The following PTPN22 variants were observed in gnomAD, a reference collection of about 807,000 sequenced individuals.
PTPN22 encodes tyrosine-protein phosphatase non-receptor type 22.
PTPN22 carries 85 observed loss-of-function variants against 103.3 expected under a neutral mutation model. The ratio of observed to expected loss-of-function variants is 0.82; its 90% CI spans 0.69 to 0.99. The LOEUF (loss-of-function observed/expected upper bound fraction) is 0.99, where lower values mean the gene tolerates loss of function less well. Among genes scored for constraint, PTPN22 ranks in the 50% least tolerant of loss-of-function variants. The probability of loss-of-function intolerance (pLI) is 0.00; values close to 1 mark genes in which losing one functional copy is unlikely to be tolerated. For synonymous variants in PTPN22, 323 were observed against 310.2 expected (o/e 1.04, Z -0.43); for missense variants, 865 against 936.9 (o/e 0.92, Z 1.00).
rs565668366 is a variant in PTPN22 at position 113,820,948 on chromosome 1, G to T, written c.2282-1294C>A. On this transcript the variant is annotated intron_variant, in intron 19 of 20. Transcript: ENST00000359785. ...TCTAATTAAGATACATATTTATTTTGTACTTACTATATTACTATAGTAAGT... is the reference window on the plus strand; with the variant it reads ...TCTAATTAAGATACATATTTATTTTTTACTTACTATATTACTATAGTAAGT... 7.5e-4 allele frequency among the ~76,000 whole-genome samples: 113 copies of T among 150,896 alleles called. 1 individual carries two copies. The highest frequency in any genetic ancestry group is 2.5e-3 in the African/African-American group (104 of 41,216).
At chr1:113,817,187 C>T (rs1259005917) in intron 20 of PTPN22, among the ~76,000 whole-genome samples, 1 of 151,992 alleles carries the variant, frequency 6.6e-6, no homozygotes, top group Non-Finnish European at 1.5e-5. Context: ...TGATTGTAAC[C>T]CAAGTGGACT....
At position 113,858,656 on chromosome 1, in the gene PTPN22, T is replaced by C. The variant is rs1033690696; in HGVS notation, c.274-83A>G. Reference sequence around the variant, plus strand: ...GTCCTCCGCTTCCTTTTTTTTTTTTTTTTGAGATGGTCTCACTGTGTTACC... The same window carrying C: ...GTCCTCCGCTTCCTTTTTTTTTTTTCTTTGAGATGGTCTCACTGTGTTACC... On this transcript the variant is annotated intron_variant, in intron 3 of 20. Coordinates refer to ENST00000359785, the Ensembl canonical transcript of PTPN22. 23 of 951,572 alleles carry C rather than the reference T, an allele frequency of 2.4e-5. No homozygotes were observed. In the African/African-American group the frequency reaches 3.9e-4, roughly 16 times the overall value. 58.9% of individuals were successfully genotyped at this position (951,572 alleles called of 1,614,324 possible).
intron 9 of PTPN22, among the ~76,000 whole-genome samples, chr1:113,854,183 A>G (rs746932030): frequency 6.6e-6 from 1 of 152,118 alleles, no homozygotes; most frequent in African/African-American, 2.4e-5. Flanking sequence ...TCAAATAGAC[A>G]CATTCAAAAC....
chr1:113,837,979 G>A (rs528158230), exon 13 of PTPN22: 2 of 1,614,098 alleles, frequency 1.2e-6, no homozygotes, highest in South Asian at 2.2e-5. Context: ...ATGTGGTTGA[G>A]ATTCCAAATA....
intron 13 of PTPN22, among the ~76,000 whole-genome samples, chr1:113,835,278 G>T (rs533142681): frequency 1.3e-5 from 2 of 152,120 alleles, no homozygotes; most frequent in South Asian, 2.1e-4. Context: ...CAGCACTTTC[G>T]GAGGCCGAGG....
At chr1:113,868,340 T>C (rs1031268503) in intron 1 of PTPN22, among the ~76,000 whole-genome samples, 1 of 152,178 alleles carries the variant, frequency 6.6e-6, no homozygotes, top group Admixed American at 6.5e-5. Flanking sequence ...AACAGTGGCC[T>C]TGTGTCACAG....
chr1:113,839,276 C>T (rs1386686139), intron 11 of PTPN22, among the ~76,000 whole-genome samples: 8 of 152,122 alleles, frequency 5.3e-5, no homozygotes, highest in Non-Finnish European at 1.0e-4. Flanking sequence ...GACAGGGCCT[C>T]GCTGTATTGC....
intron 11 of PTPN22, among the ~76,000 whole-genome samples, chr1:113,844,743 G>GA (rs1420745783): frequency 6.6e-6 from 1 of 152,152 alleles, no homozygotes; most frequent in Non-Finnish European, 1.5e-5. Flanking sequence ...AGATTATTTA[G>GA]AAAAGTGTGG....
chr1:113,834,928 TA>T lies in PTPN22; in HGVS notation c.1875del (p.Phe625LeufsTer22). 1 of 1,577,536 alleles carries T rather than the reference TA, an allele frequency of 6.3e-7. No individual in the cohort carries two copies. Among genetic ancestry groups the T allele is most frequent in the Non-Finnish European group, 8.6e-7 (1 of 1,162,860 alleles). ...TACTCACCAGCTTCCTCAACCACAATAAATGATTCAGGTGTCCATACAGGAA... is the reference window on the plus strand; with the variant it reads ...TACTCACCAGCTTCCTCAACCACAATAATGATTCAGGTGTCCATACAGGAA... On this transcript the variant is annotated frameshift_variant, in exon 14 of 21. Transcript: ENST00000359785. LOFTEE classifies it high-confidence loss of function.
At chr1:113,848,305 C>A (rs1235847827) in intron 11 of PTPN22, among the ~76,000 whole-genome samples, 1 of 151,970 alleles carries the variant, frequency 6.6e-6, no homozygotes, top group Admixed American at 6.6e-5. Flanking sequence ...CTCGAGCTCC[C>A]AAAATGCTGG....
intron 1 of PTPN22, chr1:113,864,081 G>A (rs553144497): frequency 2.9e-6 from 1 of 342,836 alleles, no homozygotes; most frequent in African/African-American, 2.3e-5. Context: ...ATTGCACTCT[G>A]GTCTGGGCAA....
At chr1:113,827,512 C>T (rs1662191791) in intron 18 of PTPN22, among the ~76,000 whole-genome samples, 1 of 151,946 alleles carries the variant, frequency 6.6e-6, no homozygotes. Context: ...TTTTTAGCTG[C>T]ACAGTATTCC....
intron 7 of PTPN22, 29 bp downstream of exon 7, chr1:113,856,353 T>G (rs1248843503): frequency 6.5e-7 from 1 of 1,538,718 alleles, no homozygotes; most frequent in Non-Finnish European, 8.7e-7. Flanking sequence ...TATAGGCTTT[T>G]GAGTTTATCA....
At chr1:113,817,420 A>T (rs948118870) in intron 20 of PTPN22, among the ~76,000 whole-genome samples, 3 of 152,014 alleles carry the variant, frequency 2.0e-5, no homozygotes, top group African/African-American at 7.2e-5. Context: ...ATATTGCCTT[A>T]AAAAAGTAAG....
intron 10 of PTPN22, among the ~76,000 whole-genome samples, chr1:113,849,578 A>C (rs1326965423): frequency 8.8e-6 from 1 of 113,206 alleles, no homozygotes. Context: ...TATGCTCTTT[A>C]TTTATTTATT....
chr1:113,848,411 C>T (rs1664279530), intron 11 of PTPN22, 129 bp downstream of exon 11: 3 of 1,257,118 alleles, frequency 2.4e-6, no homozygotes, highest in South Asian at 2.6e-5. Context: ...ATTTTCAGTG[C>T]AGCCCTATGC....
exon 13 of PTPN22, chr1:113,837,787 G>A (rs756859042): frequency 6.2e-7 from 1 of 1,613,872 alleles, no homozygotes; most frequent in Admixed American, 1.7e-5. Context: ...AGGCCATGAT[G>A]AAAAATAAGG....
chr1:113,819,777 G>T, intron 19 of PTPN22, 123 bp from the exon 20 acceptor site: 1 of 534,722 alleles, frequency 1.9e-6, no homozygotes, highest in Non-Finnish European at 3.0e-6. Context: ...ACTGTCAAAT[G>T]TTAACAAAAT....
chr1:113,834,542 G>T, intron 14 of PTPN22, 103 bp from the exon 15 acceptor site: 1 of 1,219,628 alleles, frequency 8.2e-7, no homozygotes, highest in Non-Finnish European at 1.2e-6. Context: ...GACCTGAGAA[G>T]TAATCTAGTT....
Sources: allele counts gnomAD v4.1 joint callset (sites outside exome capture counted in the v4.1 genomes callset), GRCh38; gene constraint gnomAD v4.1.1; transcripts MANE v1.5; gene names NCBI Gene and HGNC (gene_info 2026-07-23, HGNC 2026-07-21).